Variants in ERAP1 observed in about 807,000 individuals in gnomAD.
The protein encoded by ERAP1 is adipocyte-derived leucine aminopeptidase.
Under a neutral mutation model 103.7 loss-of-function variants are expected in ERAP1, and 86 were observed. That is an observed-to-expected ratio of 0.83 (90% confidence interval 0.70 to 0.99). ERAP1 has a LOEUF of 0.99. Among genes scored for constraint, ERAP1 ranks in the 50% least tolerant of loss-of-function variants. The pLI is 0.00. For synonymous variants in ERAP1, 398 were observed against 402.4 expected (o/e 0.99, Z 0.13); for missense variants, 1,009 against 1,128.4 (o/e 0.89, Z 1.52).
chr5:96,827,530 C>A, the ERAP1 span, among the ~76,000 whole-genome samples: 2 of 152,002 alleles, frequency 1.3e-5, no homozygotes, highest in African/African-American at 4.8e-5. Context: ...CTGGGCATGG[C>A]AGCATGTGCC....
the ERAP1 span, chr5:96,879,819 A>G: frequency 6.2e-7 from 1 of 1,614,154 alleles, no homozygotes; most frequent in Non-Finnish European, 8.5e-7. Context: ...TCTAGTTATC[A>G]CTTCACTGAG....
At chr5:96,927,582 G>C in the ERAP1 span, among the ~76,000 whole-genome samples, 16 of 152,074 alleles carry the variant, frequency 1.1e-4, no homozygotes, top group Non-Finnish European at 1.6e-4. Context: ...CGCCTCCCGG[G>C]TTCACGCCAT....
the ERAP1 span, among the ~76,000 whole-genome samples, chr5:96,912,183 C>A: frequency 7.7e-6 from 1 of 129,662 alleles, no homozygotes; most frequent in Non-Finnish European, 1.6e-5. Context: ...AGTGAGACTC[C>A]ACCTCAAAAA....
At chr5:96,933,185 T>C in the ERAP1 span, among the ~76,000 whole-genome samples, 2 of 151,846 alleles carry the variant, frequency 1.3e-5, no homozygotes, top group Admixed American at 6.6e-5. Flanking sequence ...TTGTTTACTA[T>C]TTTTACTTCT....
Position 96,790,302 on chromosome 5 carries a change from T to C in ERAP1, c.1518A>G (p.Ser506=). 6.2e-7 allele frequency: 1 copy of C among 1,614,044 alleles called. No homozygotes were observed. The highest frequency in any genetic ancestry group is 8.5e-7 in the Non-Finnish European group (1 of 1,179,918). Residue 506 remains serine, a synonymous_variant, in exon 10 of 19, where the codon TCA becomes TCG. Coordinates refer to ENST00000443439, the MANE Select transcript of ERAP1 (RefSeq NM_001040458.3). The part of the protein sequence containing the change: ...GFCSRSQHSS[S]SSHWHQEGVD... ...TACAGATATAGAAACTTACTGAGGA[T>C]GAAGATGAATGTTGACTTCTAGAGC... is the stretch of plus-strand genomic sequence containing the variant.
chr5:96,873,325 G>A, the ERAP1 span: 1 of 456,274 alleles, frequency 2.2e-6, no homozygotes, highest in South Asian at 1.5e-5. Context: ...ACACTGATAG[G>A]TGCTAGAAAG....
the ERAP1 span, chr5:96,873,311 C>T: frequency 9.2e-4 from 420 of 456,160 alleles, 5 homozygotes; most frequent in African/African-American, 7.5e-3. Flanking sequence ...CTATGATGTG[C>T]GCAACACTGA....
the ERAP1 span, among the ~76,000 whole-genome samples, chr5:96,901,104 C>T: frequency 6.6e-6 from 1 of 152,186 alleles, no homozygotes; most frequent in Non-Finnish European, 1.5e-5. Context: ...ATATTTAAAG[C>T]TTCCCTAAAG....
the ERAP1 span, chr5:96,889,378 T>G: frequency 6.6e-7 from 1 of 1,523,090 alleles, no homozygotes; most frequent in Non-Finnish European, 9.1e-7. Context: ...CCTCTTTCTC[T>G]TTCTATGTGA....
chr5:96,861,265 C>A, the ERAP1 span, among the ~76,000 whole-genome samples: 6 of 152,152 alleles, frequency 3.9e-5, no homozygotes, highest in Non-Finnish European at 8.8e-5. Context: ...GTGGGTTTTC[C>A]CTGGGGACAT....
chr5:96,901,638 G>C, the ERAP1 span: 3 of 1,613,982 alleles, frequency 1.9e-6, no homozygotes, highest in South Asian at 3.3e-5. Flanking sequence ...CTTCCTCCAG[G>C]GGGTTTTCCA....
chr5:96,917,658 G>A, the ERAP1 span: 9 of 1,453,194 alleles, frequency 6.2e-6, no homozygotes, highest in African/African-American at 1.4e-5. Context: ...TGTAATCCCA[G>A]CACTTTGGGA....
chr5:96,849,834 C>T, the ERAP1 span, among the ~76,000 whole-genome samples: 2 of 152,102 alleles, frequency 1.3e-5, no homozygotes, highest in Non-Finnish European at 2.9e-5. Context: ...AAGCTGGAGG[C>T]ATGACACTGT....
At chr5:96,886,655 G>A in the ERAP1 span, 3 of 1,512,130 alleles carry the variant, frequency 2.0e-6, no homozygotes, top group Admixed American at 1.8e-5. Context: ...CTTTCTGTAG[G>A]TTAAGACAAT....
At chr5:96,868,696 T>C in the ERAP1 span, among the ~76,000 whole-genome samples, 13,316 of 150,924 alleles carry the variant, frequency 0.088, 683 homozygotes, top group Middle Eastern at 0.15. Context: ...TTTCTAGACG[T>C]CACCCCGAGT....
the ERAP1 span, among the ~76,000 whole-genome samples, chr5:96,827,461 T>C: frequency 6.6e-6 from 1 of 152,112 alleles, no homozygotes; most frequent in Admixed American, 6.5e-5. Flanking sequence ...CAAGAGTTCG[T>C]GAACAGCCTG....
the ERAP1 span, among the ~76,000 whole-genome samples, chr5:96,831,115 C>A: frequency 6.6e-6 from 1 of 152,148 alleles, no homozygotes; most frequent in Non-Finnish European, 1.5e-5. Context: ...AGCATAGCAG[C>A]TTCTGCTTCT....
the ERAP1 span, among the ~76,000 whole-genome samples, chr5:96,852,983 A>G: frequency 2.0e-5 from 3 of 152,176 alleles, no homozygotes; most frequent in Non-Finnish European, 1.5e-5. Flanking sequence ...TAGACTGTAG[A>G]CGACTTTAAA....
In ERAP1 at chr5:96,790,322, T is replaced by C; in HGVS notation, c.1498A>G (p.Arg500Gly). The change falls in exon 10 of 19, where the codon AGA (arginine) becomes GGA (glycine). Residue 500 changes from arginine to glycine, a missense_variant. Arg to Gly is a moderately radical substitution (Grantham distance 125, BLOSUM62 -2). Transcript: ENST00000443439. ...GAGGATGAAGATGAATGTTGACTTC[T>C]AGAGCAAAAGCCATCCATCCCTTTT... ...GVKGMDGFCS[R>G]SQHSSSSSHW... is the part of the protein sequence containing the mutation. 1.9e-6 allele frequency: 3 copies of C among 1,614,156 alleles called. No individual in the cohort carries two copies. Among genetic ancestry groups the C allele is most frequent in the Non-Finnish European group, 1.7e-6 (2 of 1,180,006 alleles).
Sources: allele counts gnomAD v4.1 joint callset (sites outside exome capture counted in the v4.1 genomes callset), GRCh38; gene constraint gnomAD v4.1.1; transcripts MANE v1.5; gene names NCBI Gene and HGNC (gene_info 2026-07-23, HGNC 2026-07-21).